KPNA7: variants seen among roughly 807,000 people sequenced by gnomAD.
KPNA7 encodes the protein importin subunit alpha-8.
In KPNA7, 54 loss-of-function variants were observed where a neutral mutation model predicts 53.7. The ratio of observed to expected loss-of-function variants is 1.01; its 90% CI spans 0.81 to 1.26. The LOEUF (loss-of-function observed/expected upper bound fraction) is 1.26. KPNA7 is among the 50% of genes most tolerant of loss of function. The pLI is 0.00. For missense variants in KPNA7, 640 were observed against 644.5 expected, an observed-to-expected ratio of 0.99 and a Z score of 0.07; for synonymous variants, 276 against 259.3, an observed-to-expected ratio of 1.06 and a Z score of -0.62.
At chr7:99,218,958 T>C (rs1356200816) in intron 1 of KPNA7, among the ~76,000 whole-genome samples, 3 of 152,250 alleles carry the variant, frequency 2.0e-5, no homozygotes, top group Admixed American at 6.5e-5. Flanking sequence ...ACCACTCACC[T>C]GGCCAGGAGC....
At chr7:99,217,219 G>A (rs1168709367) in intron 1 of KPNA7, among the ~76,000 whole-genome samples, 2 of 152,134 alleles carry the variant, frequency 1.3e-5, no homozygotes, top group African/African-American at 4.8e-5. Flanking sequence ...CACCCTCTGT[G>A]TGCCCAGCCC....
intron 9 of KPNA7, among the ~76,000 whole-genome samples, chr7:99,179,408 T>A (rs1242083741): frequency 2.6e-5 from 4 of 151,616 alleles, no homozygotes; most frequent in Non-Finnish European, 5.9e-5. Flanking sequence ...ATACAAAAAT[T>A]AGCTGGGTGT....
intron 5 of KPNA7, among the ~76,000 whole-genome samples, chr7:99,194,833 G>A (rs1329330777): frequency 2.6e-5 from 4 of 152,096 alleles, no homozygotes; most frequent in African/African-American, 4.8e-5. Context: ...TTGAACTCCT[G>A]ACCTCAAGTG....
At chr7:99,152,214 T>A in the KPNA7 span, among the ~76,000 whole-genome samples, 2 of 151,444 alleles carry the variant, frequency 1.3e-5, no homozygotes, top group African/African-American at 2.4e-5. Context: ...CAACAAAAAT[T>A]AGCCAGGCGT....
Position 99,174,997 on chromosome 7 carries a change from G to A in KPNA7, c.1465-1203C>T, listed in dbSNP as rs577796791. Among the ~76,000 whole-genome samples the A allele has an allele frequency of 5.3e-4, 80 of 151,958 alleles. 1 individual carries two copies. Among genetic ancestry groups the A allele is most frequent in the Non-Finnish European group, 1.0e-3 (69 of 68,004 alleles). ...AGCTAATTTTTGTATTTTTAGTAGAGATGGAGTTTCACCATGTTGGCCAGG... is the reference window on the plus strand; with the variant it reads ...AGCTAATTTTTGTATTTTTAGTAGAAATGGAGTTTCACCATGTTGGCCAGG... On this transcript the variant is annotated intron_variant, in intron 10 of 10. Transcript: ENST00000327442.
chr7:99,217,198 T>TA (rs1316908274), intron 1 of KPNA7, among the ~76,000 whole-genome samples: 1 of 152,164 alleles, frequency 6.6e-6, no homozygotes, highest in Non-Finnish European at 1.5e-5. Context: ...AGTTAACCTT[T>TA]AAAAACTCAC....
upstream of KPNA7, among the ~76,000 whole-genome samples, chr7:99,211,093 G>A (rs1791057957): frequency 6.6e-6 from 1 of 152,134 alleles, no homozygotes; most frequent in Non-Finnish European, 1.5e-5. Flanking sequence ...ATTTGAAAGG[G>A]GCAGTGCAGA....
the KPNA7 span, among the ~76,000 whole-genome samples, chr7:99,160,294 G>A: frequency 2.0e-5 from 3 of 152,084 alleles, no homozygotes; most frequent in Non-Finnish European, 4.4e-5. Context: ...CCAAAGTGCT[G>A]GGATTACAGG....
upstream of KPNA7, among the ~76,000 whole-genome samples, chr7:99,211,201 C>T (rs1228147624): frequency 6.6e-6 from 1 of 152,186 alleles, no homozygotes; most frequent in East Asian, 1.9e-4. Context: ...GGGTGGATCA[C>T]CTGAGGTCAG....
At chr7:99,191,735 C>T (rs1789965336) in intron 6 of KPNA7, among the ~76,000 whole-genome samples, 1 of 152,056 alleles carries the variant, frequency 6.6e-6, no homozygotes, top group South Asian at 2.1e-4. Flanking sequence ...CTGCAACCTT[C>T]GCCTCCCAGG....
intron 2 of KPNA7, among the ~76,000 whole-genome samples, chr7:99,206,621 A>G (rs1790827924): frequency 6.6e-6 from 1 of 151,586 alleles, no homozygotes. Flanking sequence ...GGCACACACC[A>G]CCACACCTGG....
chr7:99,211,905 A>G (rs1444055503), upstream of KPNA7, among the ~76,000 whole-genome samples: 1 of 152,180 alleles, frequency 6.6e-6, no homozygotes. Flanking sequence ...TCAAAGCCAG[A>G]GAGGTGGAGG....
chr7:99,180,172 A>C lies in KPNA7; in HGVS notation c.1317+1711T>G, dbSNP rs1799104676. Among the ~76,000 whole-genome samples, 3 of 152,178 alleles carry C rather than the reference A, an allele frequency of 2.0e-5. 1 individual carries two copies. Among genetic ancestry groups the C allele is most frequent in the Admixed American group, 1.3e-4 (2 of 15,278 alleles). On this transcript the variant is annotated intron_variant, in intron 9 of 10. Transcript: ENST00000327442. ...CCAATGGAGAAGGTCCATGTGTCCA[A>C]GTGACTTCCCGGTCATCGTGTAAGC...
downstream of KPNA7, among the ~76,000 whole-genome samples, chr7:99,172,205 G>A (rs377441264): frequency 1.3e-5 from 2 of 152,150 alleles, no homozygotes; most frequent in African/African-American, 2.4e-5. Flanking sequence ...TTCGAACATC[G>A]TCTTTAGATG....
At chr7:99,209,825 A>G (rs529380926), upstream of KPNA7, among the ~76,000 whole-genome samples, 87 of 152,102 alleles carry the variant, frequency 5.7e-4, 1 homozygote, top group African/African-American at 2.1e-3. Context: ...TGGGCAACAA[A>G]GCAAGACCCC....
the KPNA7 span, among the ~76,000 whole-genome samples, chr7:99,147,561 C>T: frequency 2.6e-5 from 4 of 152,162 alleles, no homozygotes; most frequent in South Asian, 2.1e-4. Context: ...GAGACCAAGG[C>T]GGGTGGATCA....
upstream of KPNA7, among the ~76,000 whole-genome samples, chr7:99,210,881 T>C (rs1791051354): frequency 6.6e-6 from 1 of 151,970 alleles, no homozygotes; most frequent in African/African-American, 2.4e-5. Context: ...CCACTGCACC[T>C]GGCCCCAACT....
chr7:99,174,587 C>T (rs1247478928), intron 10 of KPNA7, among the ~76,000 whole-genome samples: 1 of 152,142 alleles, frequency 6.6e-6, no homozygotes, highest in Admixed American at 6.6e-5. Flanking sequence ...TTTGTCTCTA[C>T]AGATTTGATG....
the KPNA7 span, among the ~76,000 whole-genome samples, chr7:99,146,596 C>T: frequency 3.3e-5 from 5 of 151,648 alleles, no homozygotes; most frequent in Admixed American, 2.0e-4. Flanking sequence ...CCTGTAGTCC[C>T]AGCTACTCGG....
Sources: gnomAD v4.1 joint callset for allele counts (sites outside exome capture counted in the v4.1 genomes callset) on GRCh38, gnomAD v4.1.1 for gene constraint, MANE v1.5 for transcripts, NCBI Gene and HGNC (gene_info 2026-07-23, HGNC 2026-07-21) for gene names.